The following SGCG variants were observed in gnomAD, a reference collection of about 807,000 sequenced individuals.
SGCG encodes the protein sarcoglycan gamma.
SGCG carries 26 observed loss-of-function variants against 29.3 expected under a neutral mutation model. The observed-to-expected ratio is 0.89, with a 90% CI of 0.65 to 1.23. The LOEUF is 1.23. Ranked by LOEUF, SGCG falls within the 50% of genes most tolerant of loss-of-function variation. SGCG has a pLI of 0.00. For missense variants in SGCG, 353 were observed against 356.0 expected (o/e 0.99, Z 0.07); for synonymous variants, 145 against 129.7 (o/e 1.12, Z -0.80).
chr13:23,235,775 T>C (rs1423029350), intron 3 of SGCG, among the ~76,000 whole-genome samples: 1 of 152,190 alleles, frequency 6.6e-6, no homozygotes, highest in African/African-American at 2.4e-5. Context: ...TTCATATTTC[T>C]GAATATGAAA....
At chr13:23,183,426 A>G (rs2137467146) in intron 1 of SGCG, among the ~76,000 whole-genome samples, 1 of 152,164 alleles carries the variant, frequency 6.6e-6, no homozygotes, top group Middle Eastern at 3.4e-3. Context: ...CTCCAGGCTG[A>G]GGCTATTTCT....
chr13:23,193,956 G>A (rs1159507618), intron 1 of SGCG, among the ~76,000 whole-genome samples: 1 of 152,144 alleles, frequency 6.6e-6, no homozygotes, highest in East Asian at 1.9e-4. Flanking sequence ...GTAAAATTAG[G>A]AGAATACTGA....
At chr13:23,247,753 C>T (rs1879769405) in intron 3 of SGCG, among the ~76,000 whole-genome samples, 1 of 149,742 alleles carries the variant, frequency 6.7e-6, no homozygotes, top group African/African-American at 2.5e-5. Context: ...CAAGACCAGC[C>T]TGGGCAACAT....
At chr13:23,250,090 A>T (rs190920903) in intron 3 of SGCG, among the ~76,000 whole-genome samples, 33 of 152,316 alleles carry the variant, frequency 2.2e-4, no homozygotes, top group Admixed American at 1.8e-3. Flanking sequence ...CTTAAGCTAA[A>T]TGCTTAGTTT....
chr13:23,218,176 G>T (rs933956409), intron 2 of SGCG, among the ~76,000 whole-genome samples: 5 of 152,104 alleles, frequency 3.3e-5, no homozygotes, highest in African/African-American at 1.2e-4. Flanking sequence ...GAAAACTATT[G>T]AAACAAATAA....
intron 3 of SGCG, 57 bp from the exon 4 acceptor site, chr13:23,250,573 A>G (rs1879920932): frequency 1.2e-6 from 1 of 815,132 alleles, no homozygotes; most frequent in Admixed American, 1.9e-5. Context: ...CAGAATTATA[A>G]AGATATAATC....
At chr13:23,313,452 A>G (rs1267905972) in intron 6 of SGCG, among the ~76,000 whole-genome samples, 6 of 152,352 alleles carry the variant, frequency 3.9e-5, no homozygotes, top group Non-Finnish European at 8.8e-5. Context: ...GACGTGAGCC[A>G]CTGAGCCTGG....
chr13:23,215,587 G>A (rs1027903629), intron 2 of SGCG, among the ~76,000 whole-genome samples: 1 of 151,956 alleles, frequency 6.6e-6, no homozygotes, highest in African/African-American at 2.4e-5. Flanking sequence ...TTTAAGCCTG[G>A]CACAAAATTA....
chr13:23,314,791 C>T (rs1302790325), intron 6 of SGCG, among the ~76,000 whole-genome samples: 2 of 152,112 alleles, frequency 1.3e-5, no homozygotes, highest in African/African-American at 2.4e-5. Context: ...CAAGATACTC[C>T]TTCTAAGGTG....
chr13:23,214,643 C>A (rs1223886507), intron 2 of SGCG, among the ~76,000 whole-genome samples: 1 of 152,166 alleles, frequency 6.6e-6, no homozygotes, highest in Non-Finnish European at 1.5e-5. Flanking sequence ...CTCCTCCATC[C>A]CTGCCTTAAT....
intron 1 of SGCG, among the ~76,000 whole-genome samples, chr13:23,191,142 A>T (rs915693688): frequency 8.5e-5 from 13 of 152,206 alleles, no homozygotes; most frequent in African/African-American, 3.1e-4. Flanking sequence ...TTGACATCGA[A>T]ATCAATTTGT....
upstream of SGCG, among the ~76,000 whole-genome samples, chr13:23,180,351 A>T (rs573550777): frequency 2.8e-3 from 422 of 151,302 alleles, no homozygotes; most frequent in Non-Finnish European, 4.5e-3. Context: ...ACACAATAGA[A>T]ATGTTAGTTT....
At chr13:23,174,584 T>C in the SGCG span, among the ~76,000 whole-genome samples, 1 of 152,220 alleles carries the variant, frequency 6.6e-6, no homozygotes. Flanking sequence ...ATATTTCACA[T>C]AATTTCTTCT....
intron 2 of SGCG, among the ~76,000 whole-genome samples, chr13:23,221,218 A>C (rs1361555665): frequency 6.6e-6 from 1 of 152,220 alleles, no homozygotes; most frequent in African/African-American, 2.4e-5. Context: ...ACCCTGAAGT[A>C]AGAAAAGAAT....
intron 3 of SGCG, among the ~76,000 whole-genome samples, chr13:23,242,886 A>C (rs1286728480): frequency 6.6e-6 from 1 of 152,162 alleles, no homozygotes; most frequent in Non-Finnish European, 1.5e-5. Context: ...AAAAACAAAA[A>C]CCTGGAAATC....
intron 2 of SGCG, among the ~76,000 whole-genome samples, chr13:23,207,348 C>G (rs1878020815): frequency 6.6e-6 from 1 of 152,106 alleles, no homozygotes; most frequent in Admixed American, 6.6e-5. Flanking sequence ...AACATAAGGC[C>G]TAAAACTGTA....
chr13:23,203,144 A>G (rs1877832651), intron 1 of SGCG, among the ~76,000 whole-genome samples: 1 of 152,094 alleles, frequency 6.6e-6, no homozygotes, highest in Non-Finnish European at 1.5e-5. Context: ...TATTTTTAGT[A>G]GAGACGGGGT....
chr13:23,296,265 C>T (rs1008325884), intron 6 of SGCG, among the ~76,000 whole-genome samples: 2 of 152,114 alleles, frequency 1.3e-5, no homozygotes, highest in African/African-American at 4.8e-5. Flanking sequence ...GTGAAATGTG[C>T]AAAAGGCACT....
At chr13:23,256,461 G>A (rs1476490390) in intron 4 of SGCG, among the ~76,000 whole-genome samples, 1 of 152,090 alleles carries the variant, frequency 6.6e-6, no homozygotes, top group Non-Finnish European at 1.5e-5. Flanking sequence ...CATGTGCCAT[G>A]TTGCTTTGCT....
Sources: allele counts gnomAD v4.1 joint callset (sites outside exome capture counted in the v4.1 genomes callset), GRCh38; gene constraint gnomAD v4.1.1; transcripts MANE v1.5; gene names NCBI Gene and HGNC (gene_info 2026-07-23, HGNC 2026-07-21).